Variants in LRP1B observed in about 807,000 individuals in gnomAD.
LRP1B encodes the protein LDL receptor related protein 1B, also known as low-density lipoprotein receptor-related protein 1B.
Under a neutral mutation model 556.6 loss-of-function variants are expected in LRP1B, and 217 were observed. The observed-to-expected ratio is 0.39, with a 90% CI of 0.35 to 0.44. LRP1B has a LOEUF of 0.44. LRP1B is among the 20% of genes least tolerant of loss of function. LRP1B has a pLI of 1.00. For missense variants in LRP1B, 5,053 were observed against 5,620.8 expected (o/e 0.90, Z 3.23); for synonymous variants, 2,047 against 1,865.8 (o/e 1.10, Z -2.50).
At chr2:141,071,132 CA>C (rs1386589181) in intron 7 of LRP1B, among the ~76,000 whole-genome samples, 2 of 151,786 alleles carry the variant, frequency 1.3e-5, no homozygotes, top group African/African-American at 4.8e-5. Context: ...CCAAATCCAG[CA>C]GCACATCAAA....
intron 1 of LRP1B, among the ~76,000 whole-genome samples, chr2:141,829,999 A>C (rs1203788512): frequency 6.6e-6 from 1 of 151,960 alleles, no homozygotes; most frequent in Non-Finnish European, 1.5e-5. Context: ...CCTAACAAAA[A>C]AGAATGAAAA....
intron 1 of LRP1B, among the ~76,000 whole-genome samples, chr2:142,057,084 T>C (rs1233269633): frequency 1.3e-5 from 2 of 152,182 alleles, no homozygotes; most frequent in Non-Finnish European, 2.9e-5. Context: ...CTAATGTTCA[T>C]GGTTTAGGAG....
chr2:141,744,677 C>A (rs1693847155), intron 2 of LRP1B, among the ~76,000 whole-genome samples: 1 of 152,130 alleles, frequency 6.6e-6, no homozygotes, highest in South Asian at 2.1e-4. Flanking sequence ...CTCTGTCTCT[C>A]CGGGATTGGA....
intron 58 of LRP1B, among the ~76,000 whole-genome samples, chr2:140,485,765 T>C (rs1688438827): frequency 6.6e-6 from 1 of 151,784 alleles, no homozygotes; most frequent in South Asian, 2.1e-4. Context: ...AAAAAAGTTG[T>C]TGGAGAGCTG....
chr2:140,456,666 G>T, intron 61 of LRP1B, 63 bp from the exon 62 acceptor site: 1 of 1,448,570 alleles, frequency 6.9e-7, no homozygotes, highest in Non-Finnish European at 9.4e-7. Flanking sequence ...ATATAACATG[G>T]GATTAGAGAT....
intron 11 of LRP1B, among the ~76,000 whole-genome samples, chr2:141,029,685 G>A (rs1169205598): frequency 6.6e-6 from 1 of 152,040 alleles, no homozygotes; most frequent in Non-Finnish European, 1.5e-5. Flanking sequence ...TCCCGGGCAG[G>A]GTAACCAGTG....
At chr2:141,931,164 A>G (rs1700492444) in intron 1 of LRP1B, among the ~76,000 whole-genome samples, 1 of 152,062 alleles carries the variant, frequency 6.6e-6, no homozygotes, top group Non-Finnish European at 1.5e-5. Context: ...ACTAATTGAA[A>G]GAATAATTTG....
intron 23 of LRP1B, chr2:140,899,164 T>G (rs1013242755): frequency 7.3e-5 from 13 of 177,382 alleles, no homozygotes; most frequent in African/African-American, 2.9e-4. Context: ...TGGGACCTGT[T>G]GGAGTGCTGC....
At chr2:140,891,979 G>T (rs1015374953) in intron 23 of LRP1B, among the ~76,000 whole-genome samples, 6 of 151,682 alleles carry the variant, frequency 4.0e-5, no homozygotes, top group Non-Finnish European at 5.9e-5. Flanking sequence ...CTCCTTTGGG[G>T]TGTGTGTGTG....
chr2:140,837,439 G>A (rs996321740), intron 31 of LRP1B, among the ~76,000 whole-genome samples: 2 of 152,096 alleles, frequency 1.3e-5, no homozygotes, highest in African/African-American at 4.8e-5. Flanking sequence ...CATATTCAAT[G>A]CTGATTTAAG....
intron 32 of LRP1B, among the ~76,000 whole-genome samples, chr2:140,792,630 A>G (rs10084184): frequency 0.041 from 6,213 of 152,278 alleles, 427 homozygotes; most frequent in African/African-American, 0.14. Flanking sequence ...GATGGCAGTC[A>G]TGATGGAGAA....
At chr2:141,052,393 TG>T (rs1699061664) in intron 10 of LRP1B, among the ~76,000 whole-genome samples, 1 of 152,042 alleles carries the variant, frequency 6.6e-6, no homozygotes, top group African/African-American at 2.4e-5. Context: ...AATGACTTTT[TG>T]TCAAGCCATT....
chr2:141,007,339 C>T (rs540379432), intron 14 of LRP1B, among the ~76,000 whole-genome samples: 33 of 151,662 alleles, frequency 2.2e-4, no homozygotes, highest in South Asian at 1.0e-3. Context: ...GAACAAATGA[C>T]CTAAAGTATA....
intron 1 of LRP1B, among the ~76,000 whole-genome samples, chr2:142,082,742 T>C (rs891471899): frequency 2.6e-5 from 4 of 152,148 alleles, no homozygotes; most frequent in Non-Finnish European, 4.4e-5. Context: ...ATGCAAAGAA[T>C]CAAAATCATG....
chr2:141,583,796 G>A (rs1007966723), intron 2 of LRP1B, among the ~76,000 whole-genome samples: 3 of 151,912 alleles, frequency 2.0e-5, no homozygotes, highest in Non-Finnish European at 4.4e-5. Flanking sequence ...CTGGAGTGCC[G>A]TGGCACTATC....
intron 37 of LRP1B, among the ~76,000 whole-genome samples, chr2:140,709,933 AT>A (rs1256857826): frequency 1.3e-5 from 2 of 151,824 alleles, no homozygotes; most frequent in Admixed American, 6.6e-5. Context: ...CATCTCTAAT[AT>A]TTCCAAGCCG....
At chr2:141,403,873 G>T (rs1312906379) in intron 3 of LRP1B, among the ~76,000 whole-genome samples, 1 of 152,114 alleles carries the variant, frequency 6.6e-6, no homozygotes, top group African/African-American at 2.4e-5. Flanking sequence ...CTCCCCTGAG[G>T]TTATCACAGT....
intron 7 of LRP1B, among the ~76,000 whole-genome samples, chr2:141,171,793 A>G (rs958476525): frequency 3.9e-5 from 6 of 152,058 alleles, no homozygotes; most frequent in Admixed American, 3.9e-4. Flanking sequence ...TTAAAAGGGA[A>G]TGATACTACT....
intron 2 of LRP1B, among the ~76,000 whole-genome samples, chr2:141,578,387 A>G (rs1686836071): frequency 6.8e-6 from 1 of 147,656 alleles, no homozygotes; most frequent in Non-Finnish European, 1.5e-5. Flanking sequence ...ACAGGGCGAG[A>G]GTCCTTCTCA....
Sources: gnomAD v4.1 joint callset for allele counts (sites outside exome capture counted in the v4.1 genomes callset) on GRCh38, gnomAD v4.1.1 for gene constraint, MANE v1.5 for transcripts, NCBI Gene and HGNC (gene_info 2026-07-23, HGNC 2026-07-21) for gene names.